TMED3: variants seen among roughly 807,000 people sequenced by gnomAD.
TMED3 encodes the protein transmembrane emp24 domain-containing protein 3.
A neutral mutation model predicts 15.0 loss-of-function variants in TMED3; 9 were observed. The observed-to-expected ratio is 0.60, with a 90% CI of 0.36 to 1.04. TMED3 has a LOEUF of 1.04. TMED3 is among the 50% of genes least tolerant of loss of function. The pLI, the probability that TMED3 is intolerant of heterozygous loss-of-function variation, is 0.01. For missense variants in TMED3, 267 were observed against 278.9 expected (o/e 0.96, Z 0.30); for synonymous variants, 117 against 121.4 (o/e 0.96, Z 0.24).
chr15:79,333,000 C>T (rs897845551), intron 2 of TMED3, among the ~76,000 whole-genome samples: 3 of 152,214 alleles, frequency 2.0e-5, no homozygotes, highest in African/African-American at 7.2e-5. Context: ...TTCCATCTCG[C>T]CTGGTTTGCT....
intron 2 of TMED3, among the ~76,000 whole-genome samples, chr15:79,318,901 T>A (rs1020891469): frequency 1.3e-5 from 2 of 152,244 alleles, no homozygotes; most frequent in African/African-American, 4.8e-5. Flanking sequence ...AACTTCCTGA[T>A]GTCTGGAACC....
chr15:79,359,805 A>G (rs1893088635), intron 2 of TMED3, among the ~76,000 whole-genome samples: 1 of 152,170 alleles, frequency 6.6e-6, no homozygotes, highest in Admixed American at 6.5e-5. Flanking sequence ...TAAAGCCCTT[A>G]TTATTATACA....
At position 79,322,040 on chromosome 15, in the gene TMED3, T is replaced by A. The variant is rs199908483; in HGVS notation, c.480T>A (p.His160Gln). 1 of 1,614,218 alleles carries A rather than the reference T, an allele frequency of 6.2e-7. No individual in the cohort carries two copies. The highest frequency in any genetic ancestry group is 1.7e-5 in the Admixed American group (1 of 60,034). Residue 160 changes from histidine (H) to glutamine (Q), a missense_variant, in exon 3 of 3, where the codon CAT (histidine) becomes CAA (glutamine). Transcript: ENST00000299705. The stretch of plus-strand genomic sequence containing the variant: ...AAACGGTGATTGACTCCCAGACGCA[T>A]TACCGGCTGCGGGAGGCCCAGGACC... ...ALKTVIDSQT[H>Q]YRLREAQDRA... is the part of the protein sequence containing the mutation.
At chr15:79,379,408 A>G (rs1268265011) in intron 2 of TMED3, among the ~76,000 whole-genome samples, 1 of 152,218 alleles carries the variant, frequency 6.6e-6, no homozygotes, top group Non-Finnish European at 1.5e-5. Flanking sequence ...TTTATTTAAT[A>G]AAACTAGAAA....
chr15:79,370,488 C>T (rs548842390), intron 2 of TMED3, among the ~76,000 whole-genome samples: 6 of 152,140 alleles, frequency 3.9e-5, no homozygotes, highest in South Asian at 2.1e-4. Flanking sequence ...TTTGCTTCCC[C>T]GGTCACATGG....
intron 2 of TMED3, among the ~76,000 whole-genome samples, chr15:79,403,107 A>C (rs1893856145): frequency 2.0e-5 from 3 of 151,320 alleles, no homozygotes; most frequent in African/African-American, 7.3e-5. Context: ...CTGTAATCCC[A>C]GCTACTTGGG....
intron 2 of TMED3, among the ~76,000 whole-genome samples, chr15:79,375,803 C>CATG (rs1421277375): frequency 6.6e-6 from 1 of 152,196 alleles, no homozygotes; most frequent in African/African-American, 2.4e-5. Flanking sequence ...TACATTTCAG[C>CATG]ATGAGACTTG....
chr15:79,332,197 T>C (rs1174965918), intron 2 of TMED3, among the ~76,000 whole-genome samples: 1 of 152,234 alleles, frequency 6.6e-6, no homozygotes, highest in Non-Finnish European at 1.5e-5. Flanking sequence ...GAAGATTACA[T>C]ACTGATGTTA....
At chr15:79,411,448 A>G in exon 3 of TMED3, 1 of 702,604 alleles carries the variant, frequency 1.4e-6, no homozygotes, top group Non-Finnish European at 2.6e-6. Flanking sequence ...GGTCGACTAT[A>G]TGCAGCCAGG....
At chr15:79,395,475 C>G (rs1387805055) in intron 2 of TMED3, among the ~76,000 whole-genome samples, 3 of 152,196 alleles carry the variant, frequency 2.0e-5, no homozygotes, top group Non-Finnish European at 4.4e-5. Context: ...GCCACCGCGC[C>G]TGGCCAATGT....
intron 2 of TMED3, among the ~76,000 whole-genome samples, chr15:79,354,430 C>T (rs1254739316): frequency 6.6e-6 from 1 of 152,114 alleles, no homozygotes; most frequent in African/African-American, 2.4e-5. Context: ...CTTTCTTTAC[C>T]ACCCAAGGCT....
chr15:79,413,571 G>T (rs1894023610), exon 3 of TMED3: 1 of 152,252 alleles, frequency 6.6e-6, no homozygotes, highest in African/African-American at 2.4e-5. Context: ...AGAAACCTTG[G>T]CCTTGTCCCA....
chr15:79,386,178 T>C (rs1893624336), intron 2 of TMED3, among the ~76,000 whole-genome samples: 1 of 152,208 alleles, frequency 6.6e-6, no homozygotes, highest in Non-Finnish European at 1.5e-5. Context: ...AGTTTCAGTT[T>C]TGCAAGATGA....
chr15:79,325,706 A>G (rs1301422221), downstream of TMED3, among the ~76,000 whole-genome samples: 1 of 152,198 alleles, frequency 6.6e-6, no homozygotes, highest in Admixed American at 6.5e-5. Flanking sequence ...GGAGGCCAAC[A>G]GTGCAGCCTT....
intron 2 of TMED3, among the ~76,000 whole-genome samples, chr15:79,403,928 A>G (rs1249904790): frequency 6.6e-6 from 1 of 152,174 alleles, no homozygotes; most frequent in Non-Finnish European, 1.5e-5. Flanking sequence ...TTCATTGTAT[A>G]TATTGCATTC....
intron 2 of TMED3, among the ~76,000 whole-genome samples, chr15:79,329,680 C>T (rs1023321802): frequency 3.3e-5 from 5 of 152,110 alleles, no homozygotes; most frequent in Admixed American, 6.5e-5. Context: ...GAGCAGGTAG[C>T]GGAGATAAAA....
At chr15:79,385,944 A>G (rs987707799) in intron 2 of TMED3, among the ~76,000 whole-genome samples, 4 of 152,222 alleles carry the variant, frequency 2.6e-5, no homozygotes, top group Non-Finnish European at 5.9e-5. Context: ...GTTGGATTTC[A>G]GCCCAGGTCC....
chr15:79,369,058 T>G lies in TMED3; in HGVS notation c.418-42342T>G, dbSNP rs1319676660. ...GCAGTGAGCCGAGATCGCACCACTGTACTCCAGCCTGGGTGGCAGAGTGAG... is the reference window on the plus strand; with the variant it reads ...GCAGTGAGCCGAGATCGCACCACTGGACTCCAGCCTGGGTGGCAGAGTGAG... On this transcript the variant is annotated intron_variant, in intron 2 of 2. Transcript: ENST00000424155. Among the ~76,000 whole-genome samples, 8 of 150,376 alleles carry G rather than the reference T, an allele frequency of 5.3e-5. No individual in the cohort carries two copies. The East Asian group carries it at 1.4e-3, about 26-fold the overall frequency.
chr15:79,388,915 C>T (rs1893662580), intron 2 of TMED3, among the ~76,000 whole-genome samples: 1 of 151,836 alleles, frequency 6.6e-6, no homozygotes, highest in South Asian at 2.1e-4. Flanking sequence ...TATTCATGTC[C>T]TTAGCCCACT....
Sources: gnomAD v4.1 joint callset for allele counts (sites outside exome capture counted in the v4.1 genomes callset) on GRCh38, gnomAD v4.1.1 for gene constraint, MANE v1.5 for transcripts, NCBI Gene and HGNC (gene_info 2026-07-23, HGNC 2026-07-21) for gene names.